SNW1: variants seen among roughly 807,000 people sequenced by gnomAD.
SNW1 encodes the protein SNW domain containing 1.
Under a neutral mutation model 75.6 loss-of-function variants are expected in SNW1, and 9 were observed. That is an observed-to-expected ratio of 0.12 (90% CI 0.07 to 0.21). The LOEUF is 0.21. SNW1 is among the 10% of genes least tolerant of loss of function. The probability of loss-of-function intolerance (pLI) is 1.00; values close to 1 mark genes in which losing one functional copy is unlikely to be tolerated. For synonymous variants in SNW1, 200 were observed against 219.1 expected, an observed-to-expected ratio of 0.91 and a Z score of 0.77; for missense variants, 409 against 670.9, an observed-to-expected ratio of 0.61 and a Z score of 4.31.
intron 1 of SNW1, chr14:77,760,708 C>T (rs2080881766): frequency 2.9e-6 from 2 of 701,438 alleles, no homozygotes. Context: ...CCACCACAGG[C>T]AAACGGCCGG....
At chr14:77,736,572 A>ACAAAAC (rs2080674242) in intron 6 of SNW1, among the ~76,000 whole-genome samples, 1 of 152,002 alleles carries the variant, frequency 6.6e-6, no homozygotes, top group Non-Finnish European at 1.5e-5. Context: ...AAAAACAAAA[A>ACAAAAC]CAAAAACAAA....
intron 1 of SNW1, chr14:77,760,645 T>G (rs759324255): frequency 4.1e-5 from 29 of 702,222 alleles, no homozygotes; most frequent in Non-Finnish European, 6.2e-5. Context: ...CCGGGCCTCT[T>G]TTTTCAGGAA....
chr14:77,725,587 T>C (rs960914681), intron 10 of SNW1, among the ~76,000 whole-genome samples: 1 of 152,208 alleles, frequency 6.6e-6, no homozygotes, highest in Admixed American at 6.5e-5. Context: ...GAAGAGACTA[T>C]CCTTTCCCCA....
At chr14:77,744,460 A>G (rs1001222489) in intron 3 of SNW1, among the ~76,000 whole-genome samples, 4 of 151,134 alleles carry the variant, frequency 2.6e-5, no homozygotes, top group African/African-American at 9.7e-5. Context: ...AAAAAAAAAA[A>G]AAAAAAGAAA....
At chr14:77,732,081 A>G (rs2080631957) in intron 9 of SNW1, among the ~76,000 whole-genome samples, 1 of 152,242 alleles carries the variant, frequency 6.6e-6, no homozygotes, top group Non-Finnish European at 1.5e-5. Context: ...ATAGATGGCC[A>G]ATGCTATGAA....
intron 6 of SNW1, among the ~76,000 whole-genome samples, chr14:77,736,542 G>C (rs548219828): frequency 1.1e-4 from 10 of 87,928 alleles, no homozygotes; most frequent in Admixed American, 9.4e-4. Flanking sequence ...GAGCGAGACT[G>C]TCTCTCAAAA....
At chr14:77,740,291 G>A (rs2080708255) in intron 3 of SNW1, among the ~76,000 whole-genome samples, 1 of 151,918 alleles carries the variant, frequency 6.6e-6, no homozygotes, top group Non-Finnish European at 1.5e-5. Context: ...AGGCACTTGA[G>A]ATCTCCAGAA....
chr14:77,743,160 G>C (rs2080732295), intron 3 of SNW1, among the ~76,000 whole-genome samples: 1 of 151,866 alleles, frequency 6.6e-6, no homozygotes, highest in Non-Finnish European at 1.5e-5. Flanking sequence ...GGGAGGCAGA[G>C]GTTGCGGTGA....
At chr14:77,749,921 C>T (rs930428365) in intron 3 of SNW1, among the ~76,000 whole-genome samples, 1 of 151,792 alleles carries the variant, frequency 6.6e-6, no homozygotes. Flanking sequence ...AGGTGTAGAT[C>T]CAGGTGCAGT....
intron 1 of SNW1, among the ~76,000 whole-genome samples, chr14:77,758,386 A>C (rs925874249): frequency 3.3e-5 from 5 of 149,910 alleles, no homozygotes; most frequent in African/African-American, 9.8e-5. Flanking sequence ...AGATCTCCAG[A>C]TCTTTTCTTT....
In SNW1 at chr14:77,722,707, A is replaced by G. The variant is rs1004151220; in HGVS notation, c.1130+474T>C. The stretch of plus-strand genomic sequence containing the variant: ...GAGCTAAGACAAAGTAGTTAAGTAC[A>G]AGAAAATTAAGTGCTAATTTATTAA... On this transcript the variant is annotated intron_variant, in intron 11 of 13. Transcript: ENST00000261531. 3 of 361,700 alleles carry G rather than the reference A, an allele frequency of 8.3e-6. No homozygotes were observed. The Admixed American group carries it at 1.1e-4, about 14-fold the overall frequency. The allele number at this position is 361,700 out of a possible 1,614,324, so 22.4% of individuals were successfully genotyped here. A position where few individuals can be genotyped will look rare whatever the true frequency, so the allele number is the denominator to read the frequency against.
At chr14:77,741,949 CAA>C (rs1471138601) in intron 3 of SNW1, among the ~76,000 whole-genome samples, 3 of 152,150 alleles carry the variant, frequency 2.0e-5, no homozygotes, top group Non-Finnish European at 4.4e-5. Context: ...AAATGAGCAT[CAA>C]TAAGATTCTA....
At chr14:77,725,784 G>A (rs1049156083) in intron 10 of SNW1, among the ~76,000 whole-genome samples, 2 of 152,164 alleles carry the variant, frequency 1.3e-5, no homozygotes, top group East Asian at 3.9e-4. Context: ...AGGCGTGGTG[G>A]TGCGTGCCTT....
intron 8 of SNW1, 110 bp downstream of exon 8, chr14:77,734,837 G>C (rs750194536): frequency 6.6e-5 from 46 of 698,624 alleles, no homozygotes; most frequent in Non-Finnish European, 1.1e-4. Flanking sequence ...TTTTGAAAAT[G>C]CTCAGTTAAA....
intron 3 of SNW1, 103 bp downstream of exon 3, chr14:77,751,216 G>A (rs2139929566): frequency 1.6e-6 from 2 of 1,224,368 alleles, no homozygotes; most frequent in East Asian, 2.4e-5. Context: ...CCCAGCCACT[G>A]CTACTTTTAA....
intron 2 of SNW1, among the ~76,000 whole-genome samples, chr14:77,752,064 A>C (rs1221524594): frequency 6.6e-6 from 1 of 152,188 alleles, no homozygotes; most frequent in East Asian, 1.9e-4. Context: ...GATTTCATAT[A>C]TGCAGGACGA....
chr14:77,751,253 C>T (rs1019583804), intron 3 of SNW1, 66 bp downstream of exon 3: 13 of 1,465,824 alleles, frequency 8.9e-6, no homozygotes, highest in South Asian at 3.8e-5. Context: ...AGAGATTTAT[C>T]GTGTCCACAA....
chr14:77,741,947 A>T (rs1430383554), intron 3 of SNW1, among the ~76,000 whole-genome samples: 3 of 152,248 alleles, frequency 2.0e-5, no homozygotes, highest in Non-Finnish European at 4.4e-5. Flanking sequence ...TCAAATGAGC[A>T]TCAATAAGAT....
At chr14:77,718,618 A>C in intron 12 of SNW1, 88 bp from the exon 13 acceptor site, 2 of 819,346 alleles carry the variant, frequency 2.4e-6, no homozygotes, top group Non-Finnish European at 3.8e-6. Context: ...AACCCTTGCT[A>C]ATGTACAGCT....
Sources: allele counts gnomAD v4.1 joint callset (sites outside exome capture counted in the v4.1 genomes callset), GRCh38; gene constraint gnomAD v4.1.1; transcripts MANE v1.5; gene names NCBI Gene and HGNC (gene_info 2026-07-23, HGNC 2026-07-21).